The following ZNF585A variants were observed in gnomAD, a reference collection of about 807,000 sequenced individuals.
The protein encoded by ZNF585A is zinc finger protein 585A.
In ZNF585A, 9 loss-of-function variants were observed where a neutral mutation model predicts 14.9. The observed-to-expected ratio is 0.60, with a 90% confidence interval of 0.36 to 1.05. The LOEUF (loss-of-function observed/expected upper bound fraction) is 1.05. Among genes scored for constraint, ZNF585A ranks in the 50% least tolerant of loss-of-function variants. The pLI is 0.01. For missense variants in ZNF585A, 726 were observed against 926.4 expected, an observed-to-expected ratio of 0.78 and a Z score of 2.81; for synonymous variants, 276 against 319.9, an observed-to-expected ratio of 0.86 and a Z score of 1.46.
rs1240950496 is a variant in ZNF585A at position 37,153,365 on chromosome 19, T to C, written c.534A>G (p.Lys178=). 1 of 1,614,068 alleles carries C rather than the reference T, an allele frequency of 6.2e-7. No individual in the cohort carries two copies. The highest frequency in any genetic ancestry group is 1.1e-5 in the South Asian group (1 of 91,064). The change falls in exon 5 of 5, where the codon AAA becomes AAG. Residue 178 remains lysine (K), a synonymous_variant. Coordinates refer to ENST00000292841, the MANE Select transcript of ZNF585A (RefSeq NM_001288800.2). ...VQKPEFIIHQ[K]THMREKPFKC... is the part of the protein sequence containing the mutation. ...TAAAGGGTTTCTCTCTCATATGGGT[T>C]TTCTGGTGTATAATAAATTCTGGCT...
chr19:37,151,616 G>A lies in ZNF585A; in HGVS notation c.2283C>T (p.Phe761=), dbSNP rs758928034. ...CGKGFVQKSV[F]SVHQSSHA ...AAGCGTGGCTGCTCTGATGGACGCT[G>A]AACACTGATTTCTGAACGAAGCCTT... is the stretch of plus-strand genomic sequence containing the variant. The change falls in exon 5 of 5, where the codon TTC becomes TTT. Residue 761 remains phenylalanine, a synonymous_variant. Coordinates refer to ENST00000292841, the MANE Select transcript of ZNF585A (RefSeq NM_001288800.2). The A allele has an allele frequency of 3.7e-6, 6 of 1,613,836 alleles. No homozygotes were observed. Among genetic ancestry groups the A allele is most frequent in the Non-Finnish European group, 5.1e-6 (6 of 1,179,874 alleles).
At chr19:37,159,033 A>G (rs977391706) in intron 2 of ZNF585A, among the ~76,000 whole-genome samples, 2 of 152,118 alleles carry the variant, frequency 1.3e-5, no homozygotes, top group African/African-American at 4.8e-5. Flanking sequence ...GGATTGCTTG[A>G]GGTTGGGGGT....
At chr19:37,170,827 A>G (rs1170285456) in intron 1 of ZNF585A, among the ~76,000 whole-genome samples, 1 of 152,244 alleles carries the variant, frequency 6.6e-6, no homozygotes, top group African/African-American at 2.4e-5. Context: ...TCTCAAAGTT[A>G]CAAAAATTAA....
chr19:37,170,464 T>A lies in ZNF585A; in HGVS notation c.-144-410A>T, dbSNP rs141315131. ...CAGATTTGAACTGCAGCTCTGACAC[T>A]TTTCACCTATGAGAACAGAAGTTTC... On this transcript the variant is annotated intron_variant, in intron 1 of 4. Transcript: ENST00000292841. Among the ~76,000 whole-genome samples, 501 of 152,328 alleles carry A rather than the reference T, an allele frequency of 3.3e-3. 5 individuals carry two copies. Among genetic ancestry groups the A allele is most frequent in the African/African-American group, 0.012 (487 of 41,586 alleles).
chr19:37,166,410 C>G (rs1015371603), intron 2 of ZNF585A, among the ~76,000 whole-genome samples: 3 of 151,582 alleles, frequency 2.0e-5, no homozygotes, highest in African/African-American at 7.3e-5. Flanking sequence ...ACCTCTGCCT[C>G]CTGGGTTCAA....
At chr19:37,163,903 C>T (rs963650631) in intron 2 of ZNF585A, among the ~76,000 whole-genome samples, 3 of 151,864 alleles carry the variant, frequency 2.0e-5, no homozygotes, top group Non-Finnish European at 4.4e-5. Flanking sequence ...CACACACACA[C>T]AAAAAAGCAC....
intron 2 of ZNF585A, among the ~76,000 whole-genome samples, chr19:37,158,410 T>C (rs1366927238): frequency 2.0e-5 from 3 of 152,208 alleles, no homozygotes; most frequent in Non-Finnish European, 4.4e-5. Context: ...TGACATGGCA[T>C]AGTAATTAAT....
intron 2 of ZNF585A, among the ~76,000 whole-genome samples, chr19:37,156,845 C>T (rs1361471049): frequency 6.6e-6 from 1 of 152,168 alleles, no homozygotes; most frequent in East Asian, 1.9e-4. Context: ...GAATGCACCA[C>T]CATGCCCGGC....
At chr19:37,166,773 AAAGAAGC>A (rs573145026) in intron 2 of ZNF585A, among the ~76,000 whole-genome samples, 142 of 152,174 alleles carry the variant, frequency 9.3e-4, no homozygotes, top group African/African-American at 3.1e-3. Context: ...AGGATTCCAA[AAAGAAGC>A]AATTAAATCT....
chr19:37,152,728 A>C lies in ZNF585A; in HGVS notation c.1171T>G (p.Phe391Val). 6.2e-7 allele frequency: 1 copy of C among 1,614,238 alleles called. No individual in the cohort carries two copies. Among genetic ancestry groups the C allele is most frequent in the Non-Finnish European group, 8.5e-7 (1 of 1,180,036 alleles). ...ACTGTGAGTGCTGACTTCTGAGTGA[A>C]GGCTTTCCCACAGTCACTGCATTCA... ...PYECSDCGKA[F>V]TQKSALTVHQ... The change falls in exon 5 of 5, where the codon TTC becomes GTC. Residue 391 changes from phenylalanine to valine, a missense_variant. Coordinates refer to ENST00000292841, the MANE Select transcript of ZNF585A (RefSeq NM_001288800.2).
Position 37,152,617 on chromosome 19 carries a change from G to A in ZNF585A, c.1282C>T (p.His428Tyr). The A allele has an allele frequency of 6.2e-7, 1 of 1,614,138 alleles. No homozygotes were observed. Among genetic ancestry groups the A allele is most frequent in the South Asian group, 1.1e-5 (1 of 91,078 alleles). ...AFIQKAHLIA[H>Y]QIIHTGEKPH... ...TTCTCTCCAGTATGAATTATTTGAT[G>A]TGCAATCAAGTGTGCCTTCTGAATG... Residue 428 changes from histidine (H) to tyrosine (Y), a missense_variant, in exon 5 of 5, where the codon CAT becomes TAT. Coordinates refer to ENST00000292841, the MANE Select transcript of ZNF585A (RefSeq NM_001288800.2).
intron 2 of ZNF585A, 37 bp from the exon 3 acceptor site, chr19:37,156,392 G>T: frequency 6.2e-7 from 1 of 1,612,390 alleles, no homozygotes; most frequent in African/African-American, 1.3e-5. Flanking sequence ...TGCACAGTCA[G>T]CTTAGAGGGT....
intron 2 of ZNF585A, among the ~76,000 whole-genome samples, chr19:37,168,595 T>G (rs1161411526): frequency 6.6e-6 from 1 of 152,220 alleles, no homozygotes; most frequent in African/African-American, 2.4e-5. Context: ...CCCTTCATAT[T>G]TTCTAGGTAA....
Position 37,150,151 on chromosome 19 carries a change from G to C in ZNF585A, c.*1438C>G, listed in dbSNP as rs946149880. On this transcript the variant is annotated 3_prime_UTR_variant, in exon 5 of 5. Transcript: ENST00000292841. ...ACAGAAGAGGCTCCAAAATACAGTTGGGAAATGTGGACATTATGGTTCATT... is the reference window on the plus strand; with the variant it reads ...ACAGAAGAGGCTCCAAAATACAGTTCGGAAATGTGGACATTATGGTTCATT... 2.6e-5 allele frequency: 4 copies of C among 151,798 alleles called. No individual in the cohort carries two copies. The highest frequency in any genetic ancestry group is 5.9e-5 in the Non-Finnish European group (4 of 67,976). 9.4% of individuals were successfully genotyped at this position (151,798 alleles called of 1,614,324 possible).
At chr19:37,156,759 T>G (rs557633790) in intron 2 of ZNF585A, among the ~76,000 whole-genome samples, 1 of 152,244 alleles carries the variant, frequency 6.6e-6, no homozygotes, top group East Asian at 1.9e-4. Flanking sequence ...TGGTATGATC[T>G]TGGCTCACTG....
rs554911741 is a variant in ZNF585A at position 37,170,522 on chromosome 19, T to A, written c.-144-468A>T. ...TCTTTTGAGACGGAGTCTCGCTCTG[T>A]CGCCAGGCTGGAGTGCAGTGGTGCG... On this transcript the variant is annotated intron_variant, in intron 1 of 4. Transcript: ENST00000292841. Among the ~76,000 whole-genome samples, 4 of 152,348 alleles carry A rather than the reference T, an allele frequency of 2.6e-5. No individual in the cohort carries two copies. The East Asian group carries it at 7.7e-4, about 29-fold the overall frequency.
At chr19:37,164,010 G>A (rs1972049707) in intron 2 of ZNF585A, among the ~76,000 whole-genome samples, 1 of 152,146 alleles carries the variant, frequency 6.6e-6, no homozygotes, top group South Asian at 2.1e-4. Flanking sequence ...TATTAGATAG[G>A]GCTGAATTGC....
chr19:37,163,644 G>C (rs936911083), intron 2 of ZNF585A, among the ~76,000 whole-genome samples: 1 of 151,960 alleles, frequency 6.6e-6, no homozygotes, highest in African/African-American at 2.4e-5. Context: ...TGGCAGTGTA[G>C]AACTGTTATC....
Position 37,149,756 on chromosome 19 carries a change from G to A in ZNF585A, c.*1833C>T, listed in dbSNP as rs540815247. The A allele has an allele frequency of 6.6e-6, 1 of 152,382 alleles. No individual in the cohort carries two copies. Among genetic ancestry groups the A allele is most frequent in the African/African-American group, 2.4e-5 (1 of 41,532 alleles). The allele number at this position is 152,382 out of a possible 1,614,324, so 9.4% of individuals were successfully genotyped here. A position where few individuals can be genotyped will look rare whatever the true frequency, so the allele number is the denominator to read the frequency against. ...GGAAGCCCAGCTTGTGGTCTCCTGAGATCTCCAGATCATCCCTGGCCCACC... is the reference window on the plus strand; with the variant it reads ...GGAAGCCCAGCTTGTGGTCTCCTGAAATCTCCAGATCATCCCTGGCCCACC... On this transcript the variant is annotated 3_prime_UTR_variant, in exon 5 of 5. Coordinates refer to ENST00000292841, the MANE Select transcript of ZNF585A (RefSeq NM_001288800.2).
Sources: allele counts gnomAD v4.1 joint callset (sites outside exome capture counted in the v4.1 genomes callset), GRCh38; gene constraint gnomAD v4.1.1; transcripts MANE v1.5; gene names NCBI Gene and HGNC (gene_info 2026-07-23, HGNC 2026-07-21).